AVPI1: variants seen among roughly 807,000 people sequenced by gnomAD.
AVPI1 encodes the protein arginine vasopressin-induced protein 1.
In AVPI1, 9 loss-of-function variants were observed where a neutral mutation model predicts 11.9. The ratio of observed to expected loss-of-function variants is 0.76; its 90% CI spans 0.46 to 1.32. The LOEUF is 1.32. AVPI1 is among the 40% of genes most tolerant of loss of function. The pLI is 0.00. For missense variants in AVPI1, 207 were observed against 195.8 expected (o/e 1.06, Z -0.34); for synonymous variants, 68 against 78.1 (o/e 0.87, Z 0.68).
Position 97,679,848 on chromosome 10 carries a change from C to T in AVPI1, c.58G>A (p.Ala20Thr). ...GCCGAGGCCTGCTTGCGGCCCCGGG[C>T]CTCAATCGGGGCCTGCCAAGGGGGT... ...EPPPWQAPIE[A>T]RGRKQASANI... The change falls in exon 2 of 3, where the codon GCC becomes ACC. Residue 20 changes from alanine to threonine, a missense_variant. Ala to Thr is a moderately conservative substitution (Grantham distance 58). Transcript: ENST00000370626. 1 of 1,604,926 alleles carries T rather than the reference C, an allele frequency of 6.2e-7. No homozygotes were observed. The highest frequency in any genetic ancestry group is 8.5e-7 in the Non-Finnish European group (1 of 1,177,180).
chr10:97,681,248 TATATC>T (rs761818115), intron 1 of AVPI1, among the ~76,000 whole-genome samples: 4 of 152,166 alleles, frequency 2.6e-5, no homozygotes, highest in Non-Finnish European at 5.9e-5. Context: ...TAAATAAAAT[TATATC>T]AGTTACCCAA....
chr10:97,679,043 T>A (rs2041687426), intron 2 of AVPI1, among the ~76,000 whole-genome samples: 1 of 146,720 alleles, frequency 6.8e-6, no homozygotes, highest in East Asian at 2.1e-4. Flanking sequence ...GCTGGTAAGC[T>A]GAGAATAACG....
At chr10:97,680,846 A>C (rs1348550443) in intron 1 of AVPI1, among the ~76,000 whole-genome samples, 1 of 152,238 alleles carries the variant, frequency 6.6e-6, no homozygotes, top group Non-Finnish European at 1.5e-5. Flanking sequence ...TGGAGGCAGA[A>C]GAGGAGGCTA....
At chr10:97,679,565 T>C in intron 2 of AVPI1, 54 bp downstream of exon 2, 1 of 1,530,618 alleles carries the variant, frequency 6.5e-7, no homozygotes, top group African/African-American at 1.4e-5. Flanking sequence ...AGCCATGCAG[T>C]GGTGGAACAG....
At chr10:97,679,394 C>T (rs753750769) in intron 2 of AVPI1, among the ~76,000 whole-genome samples, 14 of 152,112 alleles carry the variant, frequency 9.2e-5, no homozygotes, top group South Asian at 2.1e-4. Flanking sequence ...CTGCCTGCCT[C>T]GGCCTCCCAA....
At chr10:97,680,144 G>A (rs2151932) in intron 1 of AVPI1, among the ~76,000 whole-genome samples, 71,636 of 151,998 alleles carry the variant, frequency 0.47, 17,933 homozygotes, top group African/African-American at 0.65. Flanking sequence ...TCATTTTACC[G>A]ATGAAGAAGT....
chr10:97,678,202 C>A (rs1414847624), intron 2 of AVPI1, among the ~76,000 whole-genome samples, 177 bp from the exon 3 acceptor site: 1 of 152,232 alleles, frequency 6.6e-6, no homozygotes, highest in East Asian at 1.9e-4. Context: ...TTACAGATTT[C>A]TCTGCAGTAG....
intron 2 of AVPI1, among the ~76,000 whole-genome samples, chr10:97,679,141 CTTT>C (rs559721224): frequency 8.1e-6 from 1 of 124,170 alleles, no homozygotes. Flanking sequence ...TAACAGCAAT[CTTT>C]TTTTTTTTTT....
chr10:97,677,903 C>A lies in AVPI1; in HGVS notation c.410G>T (p.Gly137Val). 6.2e-7 allele frequency: 1 copy of A among 1,614,158 alleles called. No individual in the cohort carries two copies. Among genetic ancestry groups the A allele is most frequent in the South Asian group, 1.1e-5 (1 of 91,080 alleles). Residue 137 changes from glycine (G) to valine (V), a missense_variant, in exon 3 of 3, where the codon GGC (glycine) becomes GTC (valine). Physicochemically the swap from Gly to Val is moderately radical, Grantham distance 109. Transcript: ENST00000370626. ...GATCTGGTGGAGGTAGCTTGTGGGGCCTGACTTCCTCCAGTTCCGGCGGAT... is the reference window on the plus strand; with the variant it reads ...GATCTGGTGGAGGTAGCTTGTGGGGACTGACTTCCTCCAGTTCCGGCGGAT... Reference protein sequence around the residue: ...ARIRRNWRKSGPTSYLHQIRH With the variant: ...ARIRRNWRKSVPTSYLHQIRH
At position 97,678,963 on chromosome 10, in the gene AVPI1, G is replaced by C. The variant is rs1564779972; in HGVS notation, c.287+656C>G. On this transcript the variant is annotated intron_variant, in intron 2 of 2. Transcript: ENST00000370626. ...TGTGTGTGTGTGTGTGTGTGTGTGT[G>C]TGTGTGTGTGTGTGTGTGTGTGTGT... 8.9e-4 allele frequency among the ~76,000 whole-genome samples: 55 copies of C among 62,046 alleles called. 4 individuals are homozygous for C. The highest frequency in any genetic ancestry group is 0.014 in the Middle Eastern group (1 of 74). 40.7% of individuals were successfully genotyped at this position (62,046 alleles called of 152,430 possible). A position where few individuals can be genotyped will look rare whatever the true frequency, so the allele number is the denominator to read the frequency against.
chr10:97,681,971 A>G (rs1012000885), intron 1 of AVPI1, among the ~76,000 whole-genome samples: 2 of 152,152 alleles, frequency 1.3e-5, no homozygotes, highest in African/African-American at 4.8e-5. Context: ...GATACATTGT[A>G]ACTACAAAAC....
At chr10:97,678,809 CCTGGAGTAG>C (rs1219070313) in intron 2 of AVPI1, among the ~76,000 whole-genome samples, 1 of 151,462 alleles carries the variant, frequency 6.6e-6, no homozygotes, top group Non-Finnish European at 1.5e-5. Context: ...TACCTCAGCC[CCTGGAGTAG>C]CTGGGACCGC....
At chr10:97,678,940 T>A (rs2041684575) in intron 2 of AVPI1, among the ~76,000 whole-genome samples, 2 of 41,598 alleles carry the variant, frequency 4.8e-5, no homozygotes, top group African/African-American at 2.0e-4. Context: ...TGTGTGTGTG[T>A]GTGTGTGTGT....
In AVPI1 at chr10:97,679,777, A is replaced by C. The variant is rs573222742; in HGVS notation, c.129T>G (p.Phe43Leu). The C allele has an allele frequency of 3.7e-6, 6 of 1,614,042 alleles. No individual in the cohort carries two copies. In the South Asian group the frequency reaches 6.6e-5, roughly 18 times the overall value. ...DAELLQIQAL[F>L]QRSGDQLAEE... ...CGGCCAGCTGGTCCCCGCTGCGTTG[A>C]AACAGGGCTTGGATCTGCAGCAGCT... Residue 43 changes from phenylalanine to leucine, a missense_variant, in exon 2 of 3, where the codon TTT (phenylalanine) becomes TTG (leucine). Coordinates refer to ENST00000370626, the MANE Select transcript of AVPI1 (RefSeq NM_021732.3).
chr10:97,683,017 T>C (rs2041712234), intron 1 of AVPI1, among the ~76,000 whole-genome samples: 1 of 152,220 alleles, frequency 6.6e-6, no homozygotes, highest in Non-Finnish European at 1.5e-5. Flanking sequence ...TATGATATCC[T>C]TTAATCCTCA....
At chr10:97,681,607 G>A (rs568685573) in intron 1 of AVPI1, among the ~76,000 whole-genome samples, 1 of 152,044 alleles carries the variant, frequency 6.6e-6, no homozygotes, top group South Asian at 2.1e-4. Context: ...GGCCGGGCGC[G>A]GTGGCTCACG....
intron 1 of AVPI1, among the ~76,000 whole-genome samples, chr10:97,682,576 G>A (rs927440204): frequency 2.0e-5 from 3 of 151,208 alleles, no homozygotes; most frequent in African/African-American, 4.9e-5. Flanking sequence ...AATTGTCTCC[G>A]CCCCACTCAT....
chr10:97,679,327 TAG>T (rs2041689945), intron 2 of AVPI1, among the ~76,000 whole-genome samples: 1 of 151,904 alleles, frequency 6.6e-6, no homozygotes, highest in Non-Finnish European at 1.5e-5. Context: ...GTAATTTTAG[TAG>T]AGACAGGGTT....
chr10:97,678,056 A>G, intron 2 of AVPI1, 31 bp from the exon 3 acceptor site: 1 of 1,599,774 alleles, frequency 6.3e-7, no homozygotes, highest in Non-Finnish European at 8.5e-7. Flanking sequence ...ATTAGCCAAC[A>G]TCAATAGGAA....
Sources: gnomAD v4.1 joint callset for allele counts (sites outside exome capture counted in the v4.1 genomes callset) on GRCh38, gnomAD v4.1.1 for gene constraint, MANE v1.5 for transcripts, NCBI Gene and HGNC (gene_info 2026-07-23, HGNC 2026-07-21) for gene names.